EPB41L4A: variants seen among roughly 807,000 people sequenced by gnomAD.
The protein encoded by EPB41L4A is erythrocyte membrane protein band 4.1 like 4A.
A neutral mutation model predicts 108.6 loss-of-function variants in EPB41L4A; 100 were observed. The ratio of observed to expected loss-of-function variants is 0.92; its 90% CI spans 0.78 to 1.09. The LOEUF (loss-of-function observed/expected upper bound fraction) is 1.09. Among genes scored for constraint, EPB41L4A ranks in the 50% least tolerant of loss-of-function variants. The pLI is 0.00. For synonymous variants in EPB41L4A, 319 were observed against 289.0 expected, an observed-to-expected ratio of 1.10 and a Z score of -1.05; for missense variants, 1,030 against 842.7, an observed-to-expected ratio of 1.22 and a Z score of -2.75.
intron 17 of EPB41L4A, among the ~76,000 whole-genome samples, chr5:112,185,031 G>C (rs1048716802): frequency 7.0e-6 from 1 of 141,878 alleles, no homozygotes; most frequent in Admixed American, 6.7e-5. Context: ...TGGCAGGAGA[G>C]AAGAAGTACT....
upstream of EPB41L4A, chr5:112,419,302 C>G (rs747742248): frequency 4.2e-4 from 150 of 358,930 alleles, no homozygotes; most frequent in Non-Finnish European, 6.8e-4. Flanking sequence ...GTGGCGCGTC[C>G]CCGCGCATCC....
At chr5:112,384,710 AGAGG>A (rs965488043) in intron 1 of EPB41L4A, among the ~76,000 whole-genome samples, 7 of 150,428 alleles carry the variant, frequency 4.7e-5, no homozygotes, top group Admixed American at 4.6e-4. Context: ...GAAGGAAGGG[AGAGG>A]GAGGGAGGGA....
At chr5:112,315,112 C>A (rs1274328793) in intron 1 of EPB41L4A, among the ~76,000 whole-genome samples, 3 of 152,136 alleles carry the variant, frequency 2.0e-5, no homozygotes, top group African/African-American at 7.2e-5. Context: ...ATCTTTCCTG[C>A]TCTATGTCAT....
chr5:112,194,905 G>A lies in EPB41L4A; in HGVS notation c.1425-260C>T, dbSNP rs116403528. 7.4e-4 allele frequency among the ~76,000 whole-genome samples: 113 copies of A among 152,236 alleles called. 1 individual carries two copies. The highest frequency in any genetic ancestry group is 2.0e-3 in the African/African-American group (82 of 41,532). On this transcript the variant is annotated intron_variant, in intron 16 of 22. Coordinates refer to ENST00000261486, the MANE Select transcript of EPB41L4A (RefSeq NM_022140.5). ...GTGAATGTCAGTATGTTCCCAGAACGGACCGCAAAATCAATCACTTCCAAC... is the reference window on the plus strand; with the variant it reads ...GTGAATGTCAGTATGTTCCCAGAACAGACCGCAAAATCAATCACTTCCAAC...
chr5:112,146,412 T>C (rs1253898098), intron 12 of EPB41L4A, among the ~76,000 whole-genome samples: 1 of 152,236 alleles, frequency 6.6e-6, no homozygotes, highest in Non-Finnish European at 1.5e-5. Context: ...TGTTTAGTGC[T>C]GTTTGAGTAA....
At chr5:112,293,525 A>C (rs116193256) in intron 2 of EPB41L4A, among the ~76,000 whole-genome samples, 1,766 of 152,322 alleles carry the variant, frequency 0.012, 40 homozygotes, top group African/African-American at 0.04. Context: ...ATTCATGCCT[A>C]CTGCAATCAA....
intron 1 of EPB41L4A, 74 bp from the exon 2 acceptor site, chr5:112,307,564 T>C (rs1047067054): frequency 1.1e-6 from 1 of 935,868 alleles, no homozygotes; most frequent in Non-Finnish European, 1.7e-6. Flanking sequence ...ATGGTTCTCA[T>C]CTTTTATTAG....
rs898131427 is a variant in EPB41L4A, at chr5:112,265,117, T to C, written c.434-101A>G. On this transcript the variant is annotated intron_variant, in intron 5 of 22. Coordinates refer to ENST00000261486, the MANE Select transcript of EPB41L4A (RefSeq NM_022140.5). ...ACATGCTTAAACATTTTTTCAAATGTCTTACTAAAATTCACATATAAGACA... is the reference window on the plus strand; with the variant it reads ...ACATGCTTAAACATTTTTTCAAATGCCTTACTAAAATTCACATATAAGACA... 7.2e-6 allele frequency: 8 copies of C among 1,108,282 alleles called. No homozygotes were observed. In the African/African-American group the frequency reaches 9.6e-5, roughly 13 times the overall value. 68.7% of individuals were successfully genotyped at this position (1,108,282 alleles called of 1,614,324 possible). A position where few individuals can be genotyped will look rare whatever the true frequency, so the allele number is the denominator to read the frequency against.
chr5:112,148,121 AATAAT>A (rs1196302355), intron 12 of EPB41L4A, among the ~76,000 whole-genome samples: 5 of 147,192 alleles, frequency 3.4e-5, no homozygotes, highest in African/African-American at 1.2e-4. Flanking sequence ...TATATAATAT[AATAAT>A]ATAATAGTAT....
At chr5:112,317,652 A>C (rs1300349703) in intron 1 of EPB41L4A, among the ~76,000 whole-genome samples, 1 of 152,240 alleles carries the variant, frequency 6.6e-6, no homozygotes, top group African/African-American at 2.4e-5. Context: ...ATATCACAAC[A>C]GATGATGCAT....
At chr5:112,388,135 C>T (rs1205522086) in intron 1 of EPB41L4A, among the ~76,000 whole-genome samples, 2 of 152,126 alleles carry the variant, frequency 1.3e-5, no homozygotes. Context: ...AACAAGGCGG[C>T]AAACTAACAA....
At chr5:112,389,930 A>G (rs1208479482) in intron 1 of EPB41L4A, among the ~76,000 whole-genome samples, 1 of 152,200 alleles carries the variant, frequency 6.6e-6, no homozygotes, top group Non-Finnish European at 1.5e-5. Flanking sequence ...AGTTTCACAC[A>G]ATAAGGAGGG....
intron 12 of EPB41L4A, among the ~76,000 whole-genome samples, chr5:112,218,598 C>T (rs143163619): frequency 2.8e-4 from 43 of 152,314 alleles, no homozygotes; most frequent in African/African-American, 8.7e-4. Flanking sequence ...GGTTCTGTCT[C>T]AGAGGAGAGT....
At chr5:112,329,229 GAATTA>G (rs1756390420) in intron 1 of EPB41L4A, among the ~76,000 whole-genome samples, 1 of 152,056 alleles carries the variant, frequency 6.6e-6, no homozygotes, top group Admixed American at 6.5e-5. Context: ...TAGATATATT[GAATTA>G]AATAAAACGT....
chr5:112,270,612 A>G (rs565480212), intron 4 of EPB41L4A, among the ~76,000 whole-genome samples: 54 of 152,324 alleles, frequency 3.5e-4, no homozygotes, highest in African/African-American at 1.3e-3. Flanking sequence ...ATAGTTCTTT[A>G]AAGTTCACAA....
chr5:112,398,917 G>A (rs1229603801), intron 1 of EPB41L4A, among the ~76,000 whole-genome samples: 20 of 148,054 alleles, frequency 1.4e-4, no homozygotes, highest in Non-Finnish European at 2.7e-4. Flanking sequence ...GAAGCTAAGG[G>A]GAGTCTATCC....
At chr5:112,142,937 A>G (rs1759118134) in exon 14 of EPB41L4A, 1 of 152,190 alleles carries the variant, frequency 6.6e-6, no homozygotes, top group African/African-American at 2.4e-5. Context: ...GTTGCGTGCC[A>G]GTGCCAAGAG....
chr5:112,341,013 A>C (rs1196484913), intron 1 of EPB41L4A, among the ~76,000 whole-genome samples: 1 of 152,152 alleles, frequency 6.6e-6, no homozygotes, highest in Non-Finnish European at 1.5e-5. Flanking sequence ...CCTTCTCTGG[A>C]AGGTCCTCTG....
At chr5:112,267,792 C>A (rs950974828) in intron 4 of EPB41L4A, among the ~76,000 whole-genome samples, 2 of 151,688 alleles carry the variant, frequency 1.3e-5, no homozygotes, top group African/African-American at 4.9e-5. Flanking sequence ...AAAAAAAAAA[C>A]AACAACAACC....
Sources: gnomAD v4.1 joint callset for allele counts (sites outside exome capture counted in the v4.1 genomes callset) on GRCh38, gnomAD v4.1.1 for gene constraint, MANE v1.5 for transcripts, NCBI Gene and HGNC (gene_info 2026-07-23, HGNC 2026-07-21) for gene names.